MME: variants seen among roughly 807,000 people sequenced by gnomAD.
MME encodes the protein membrane metalloendopeptidase.
A neutral mutation model predicts 113.2 loss-of-function variants in MME; 98 were observed. The observed-to-expected ratio is 0.87, with a 90% confidence interval of 0.74 to 1.02. MME has a LOEUF of 1.02. Among genes scored for constraint, MME ranks in the 50% least tolerant of loss-of-function variants. MME has a pLI of 0.00. For missense variants in MME, 836 were observed against 896.0 expected (o/e 0.93, Z 0.86); for synonymous variants, 292 against 300.6 (o/e 0.97, Z 0.30).
chr3:155,048,092 C>T (rs1713627622), intron 1 of MME, among the ~76,000 whole-genome samples: 1 of 152,150 alleles, frequency 6.6e-6, no homozygotes, highest in South Asian at 2.1e-4. Context: ...AGCTCCGTCC[C>T]ATTTTGAAAC....
At chr3:155,029,161 C>T (rs1712886758) in intron 1 of MME, among the ~76,000 whole-genome samples, 1 of 152,098 alleles carries the variant, frequency 6.6e-6, no homozygotes, top group South Asian at 2.1e-4. Context: ...ATTTTTCTTA[C>T]TATTTCTTGT....
At chr3:155,026,450 G>A (rs768865113) in intron 1 of MME, among the ~76,000 whole-genome samples, 8 of 152,154 alleles carry the variant, frequency 5.3e-5, no homozygotes, top group East Asian at 1.9e-4. Flanking sequence ...TTGGCTGAGC[G>A]CAGTGGCTCA....
intron 17 of MME, among the ~76,000 whole-genome samples, chr3:155,162,969 T>A (rs1177457608): frequency 3.5e-5 from 5 of 141,294 alleles, no homozygotes; most frequent in Non-Finnish European, 1.5e-5. Context: ...GCTGAGATCA[T>A]GCCACTGTAC....
intron 1 of MME, among the ~76,000 whole-genome samples, chr3:155,051,023 G>A (rs988807114): frequency 1.2e-4 from 18 of 152,146 alleles, no homozygotes; most frequent in African/African-American, 4.3e-4. Flanking sequence ...GCAAAGTGTG[G>A]GAGGTTCAGC....
rs1459481415 is a variant in MME, at chr3:155,115,145, C to T, written c.348C>T (p.Val116=). Residue 116 remains valine (V), a synonymous_variant, in exon 4 of 23, where the codon GTC becomes GTT. Coordinates refer to ENST00000360490, the MANE Select transcript of MME (RefSeq NM_007289.4). ...ACATTTTAAGAGATGAACTAGAAGT[C>T]GTTTTGAAAGGTTAGTAGAGATTGT... ...NFDILRDELE[V]VLKDVLQEPK... is the part of the protein sequence containing the mutation. 1.2e-6 allele frequency: 2 copies of T among 1,613,888 alleles called. No individual in the cohort carries two copies. The highest frequency in any genetic ancestry group is 1.1e-5 in the South Asian group (1 of 91,042).
upstream of MME, among the ~76,000 whole-genome samples, chr3:155,077,924 G>A (rs967307949): frequency 2.0e-5 from 3 of 150,032 alleles, no homozygotes; most frequent in South Asian, 4.2e-4. Context: ...AGTCCTCACC[G>A]CCAGGCATGA....
chr3:155,056,140 T>C lies in MME; in HGVS notation c.-10-28018T>C, dbSNP rs987472419. 2.0e-5 allele frequency among the ~76,000 whole-genome samples: 3 copies of C among 152,180 alleles called. 1 individual carries two copies. The highest frequency in any genetic ancestry group is 4.1e-4 in the South Asian group (2 of 4,826). On this transcript the variant is annotated intron_variant, in intron 1 of 22. Transcript: ENST00000492661. ...CACTCCAAATGCCTCTTCCCTCAGA[T>C]AATGTTGTTTTATTTCCTCTTCTAG...
At chr3:155,039,219 T>A (rs1054322907) in intron 1 of MME, among the ~76,000 whole-genome samples, 1 of 152,184 alleles carries the variant, frequency 6.6e-6, no homozygotes, top group East Asian at 1.9e-4. Context: ...CAAGGTGGTT[T>A]GACAGACGAT....
chr3:155,095,683 A>AT (rs368645428), intron 3 of MME, among the ~76,000 whole-genome samples: 32 of 151,124 alleles, frequency 2.1e-4, no homozygotes, highest in African/African-American at 4.1e-4. Flanking sequence ...CCTGGCATTC[A>AT]TTTTTTTTTC....
chr3:155,067,849 C>T (rs1714435989), intron 1 of MME, among the ~76,000 whole-genome samples: 1 of 152,110 alleles, frequency 6.6e-6, no homozygotes, highest in South Asian at 2.1e-4. Context: ...AATGCTACAA[C>T]CACTTTGGAA....
At chr3:155,106,275 G>T (rs1418135313) in intron 3 of MME, among the ~76,000 whole-genome samples, 1 of 152,180 alleles carries the variant, frequency 6.6e-6, no homozygotes, top group South Asian at 2.1e-4. Flanking sequence ...TTCTTGGAAC[G>T]TAACCAGTGG....
intron 1 of MME, among the ~76,000 whole-genome samples, chr3:155,045,792 T>C (rs1459630916): frequency 1.3e-5 from 2 of 150,208 alleles, no homozygotes; most frequent in African/African-American, 4.9e-5. Flanking sequence ...ATAGTTTGCT[T>C]TTTTTTTTAG....
intron 16 of MME, among the ~76,000 whole-genome samples, chr3:155,155,775 C>T (rs894296723): frequency 4.6e-5 from 7 of 152,126 alleles, no homozygotes; most frequent in African/African-American, 1.7e-4. Context: ...CAGAAATGAT[C>T]CACCCACCCA....
intron 1 of MME, among the ~76,000 whole-genome samples, chr3:155,073,078 G>A (rs907352612): frequency 6.6e-6 from 1 of 152,150 alleles, no homozygotes; most frequent in East Asian, 1.9e-4. Flanking sequence ...TTTCCAACAA[G>A]GGCAAATTTT....
At chr3:155,051,593 T>C (rs1053442508) in intron 1 of MME, among the ~76,000 whole-genome samples, 1 of 152,084 alleles carries the variant, frequency 6.6e-6, no homozygotes, top group African/African-American at 2.4e-5. Flanking sequence ...AACCATCAGA[T>C]CTCATTAGAA....
intron 1 of MME, among the ~76,000 whole-genome samples, chr3:155,027,957 T>C (rs1419150763): frequency 6.6e-6 from 1 of 152,204 alleles, no homozygotes; most frequent in Admixed American, 6.5e-5. Flanking sequence ...AGAGATGTAC[T>C]TTTTTGCCTT....
At chr3:155,146,201 T>A (rs1019325487) in intron 14 of MME, among the ~76,000 whole-genome samples, 27 of 152,116 alleles carry the variant, frequency 1.8e-4, no homozygotes, top group Non-Finnish European at 2.4e-4. Context: ...AAATAAACCA[T>A]TTTAAAATAA....
chr3:155,098,407 T>A (rs528213922), intron 3 of MME, among the ~76,000 whole-genome samples: 1 of 151,878 alleles, frequency 6.6e-6, no homozygotes, highest in South Asian at 2.1e-4. Flanking sequence ...TACAAAAAAA[T>A]TAGCTGGGCG....
intron 1 of MME, among the ~76,000 whole-genome samples, chr3:155,045,790 C>CT (rs891723615): frequency 4.1e-4 from 59 of 144,310 alleles, no homozygotes; most frequent in African/African-American, 6.6e-4. Flanking sequence ...GTATAGTTTG[C>CT]TTTTTTTTTT....
Sources: allele counts gnomAD v4.1 joint callset (sites outside exome capture counted in the v4.1 genomes callset), GRCh38; gene constraint gnomAD v4.1.1; transcripts MANE v1.5; gene names NCBI Gene and HGNC (gene_info 2026-07-23, HGNC 2026-07-21).